FBXL13: variants seen among roughly 807,000 people sequenced by gnomAD.
The protein encoded by FBXL13 is F-box and leucine-rich repeat protein 13.
FBXL13 carries 67 observed loss-of-function variants against 83.6 expected under a neutral mutation model. That is an observed-to-expected ratio of 0.80 (90% confidence interval 0.66 to 0.98). FBXL13 has a LOEUF of 0.98. Ranked by LOEUF, FBXL13 falls within the 50% of genes least tolerant of loss-of-function variation. The pLI is 0.00. For missense variants in FBXL13, 822 were observed against 866.5 expected (o/e 0.95, Z 0.64); for synonymous variants, 272 against 299.5 (o/e 0.91, Z 0.95).
intron 9 of FBXL13, among the ~76,000 whole-genome samples, chr7:102,930,726 G>C (rs1819009846): frequency 6.6e-6 from 1 of 151,970 alleles, no homozygotes; most frequent in Non-Finnish European, 1.5e-5. Flanking sequence ...CATTCCGTAA[G>C]GCTCAACTTT....
intron 6 of FBXL13, among the ~76,000 whole-genome samples, chr7:102,996,488 G>A (rs532321405): frequency 6.6e-6 from 1 of 152,234 alleles, no homozygotes; most frequent in Admixed American, 6.5e-5. Context: ...TTCTGGCAAG[G>A]AAAAATGCCC....
At chr7:102,889,606 T>G (rs1445292983) in intron 11 of FBXL13, among the ~76,000 whole-genome samples, 1 of 151,660 alleles carries the variant, frequency 6.6e-6, no homozygotes, top group Non-Finnish European at 1.5e-5. Context: ...GTTCCCTGCC[T>G]TGTGTCCAGG....
chr7:102,856,674 A>C (rs1454858950), intron 16 of FBXL13, among the ~76,000 whole-genome samples: 1 of 152,246 alleles, frequency 6.6e-6, no homozygotes, highest in East Asian at 1.9e-4. Context: ...ATTAGCCATT[A>C]GATAAATGCA....
exon 7 of FBXL13, chr7:102,968,052 C>G: frequency 2.5e-6 from 4 of 1,613,900 alleles, no homozygotes; most frequent in Non-Finnish European, 3.4e-6. Context: ...GTTGTGTCAT[C>G]AACATCCAGG....
At chr7:102,971,178 A>G (rs1228131486) in intron 6 of FBXL13, among the ~76,000 whole-genome samples, 1 of 152,256 alleles carries the variant, frequency 6.6e-6, no homozygotes, top group Non-Finnish European at 1.5e-5. Context: ...AAAATTTTTC[A>G]GGCAATTTGA....
chr7:102,935,818 G>C (rs562895017), intron 8 of FBXL13, among the ~76,000 whole-genome samples: 17 of 152,290 alleles, frequency 1.1e-4, no homozygotes, highest in Admixed American at 8.5e-4. Flanking sequence ...GGTTCATATA[G>C]AGCACAGTAT....
intron 2 of FBXL13, among the ~76,000 whole-genome samples, chr7:103,030,454 AT>A (rs1316048637): frequency 6.6e-6 from 1 of 152,212 alleles, no homozygotes; most frequent in African/African-American, 2.4e-5. Flanking sequence ...GTAAAGGAGT[AT>A]TGAGGATATT....
At chr7:103,024,150 AGAGAGAGAGAG>A (rs1212073020) in intron 6 of FBXL13, among the ~76,000 whole-genome samples, 2 of 70,782 alleles carry the variant, frequency 2.8e-5, no homozygotes, top group East Asian at 1.0e-3. Flanking sequence ...AGAGAGAGAG[AGAGAGAGAGAG>A]AGAGAGAGAG....
chr7:102,911,336 A>C (rs1814639765), intron 11 of FBXL13, among the ~76,000 whole-genome samples: 1 of 152,238 alleles, frequency 6.6e-6, no homozygotes, highest in Non-Finnish European at 1.5e-5. Context: ...ATTGATAAGA[A>C]GAAGGAGGTA....
chr7:102,854,828 C>A, exon 17 of FBXL13: 1 of 1,591,128 alleles, frequency 6.3e-7, no homozygotes, highest in Non-Finnish European at 8.6e-7. Context: ...AAAGTTCCTT[C>A]AATTTTTTAT....
At chr7:102,914,805 T>C (rs1254166666) in intron 10 of FBXL13, among the ~76,000 whole-genome samples, 3 of 152,190 alleles carry the variant, frequency 2.0e-5, no homozygotes, top group South Asian at 2.1e-4. Context: ...GCCCCCTCTC[T>C]TGGGGCTGTC....
intron 11 of FBXL13, among the ~76,000 whole-genome samples, chr7:102,897,238 A>T (rs756993073): frequency 5.3e-5 from 8 of 151,990 alleles, no homozygotes; most frequent in Admixed American, 3.3e-4. Flanking sequence ...ACAAGATGAG[A>T]TCATCAAGGG....
intron 17 of FBXL13, among the ~76,000 whole-genome samples, chr7:102,847,820 C>G (rs1804298141): frequency 6.6e-6 from 1 of 152,090 alleles, no homozygotes; most frequent in African/African-American, 2.4e-5. Flanking sequence ...TGAACTACTG[C>G]ACCCAACCAA....
At chr7:102,875,301 A>C (rs573207397) in intron 16 of FBXL13, among the ~76,000 whole-genome samples, 1 of 152,262 alleles carries the variant, frequency 6.6e-6, no homozygotes, top group South Asian at 2.1e-4. Context: ...AATCTATGTC[A>C]AAAGGAAAGG....
intron 1 of FBXL13, among the ~76,000 whole-genome samples, chr7:103,072,543 C>A (rs1192380416): frequency 2.6e-5 from 4 of 152,112 alleles, no homozygotes; most frequent in Non-Finnish European, 5.9e-5. Flanking sequence ...TAACTGGCGG[C>A]CTAGATGAGA....
intron 6 of FBXL13, among the ~76,000 whole-genome samples, chr7:103,015,003 C>T (rs376256984): frequency 6.6e-6 from 1 of 150,486 alleles, no homozygotes; most frequent in African/African-American, 2.4e-5. Flanking sequence ...CCACCATGGT[C>T]AAGTAGGCTT....
intron 6 of FBXL13, among the ~76,000 whole-genome samples, chr7:103,021,180 A>T (rs915256466): frequency 6.6e-6 from 1 of 152,238 alleles, no homozygotes; most frequent in Non-Finnish European, 1.5e-5. Context: ...ATAATGCCGC[A>T]TATCTACAAC....
intron 8 of FBXL13, among the ~76,000 whole-genome samples, chr7:102,963,226 C>T (rs1012423290): frequency 2.0e-5 from 3 of 151,074 alleles, no homozygotes; most frequent in Non-Finnish European, 1.5e-5. Flanking sequence ...CAGGCTGAGG[C>T]ACGAAAATCA....
exon 4 of FBXL13, chr7:103,028,622 T>G (rs746338552): frequency 1.3e-6 from 2 of 1,579,730 alleles, no homozygotes; most frequent in Admixed American, 3.7e-5. Flanking sequence ...CTTTCTGGTC[T>G]TCCATATAAG....
Sources: allele counts gnomAD v4.1 joint callset (sites outside exome capture counted in the v4.1 genomes callset), GRCh38; gene constraint gnomAD v4.1.1; transcripts MANE v1.5; gene names NCBI Gene and HGNC (gene_info 2026-07-23, HGNC 2026-07-21).